The following UBE2K variants were observed in gnomAD, a reference collection of about 807,000 sequenced individuals.
UBE2K encodes the protein ubiquitin conjugating enzyme E2 K, also known as ubiquitin-conjugating enzyme E2 K.
In UBE2K, 6 loss-of-function variants were observed where a neutral mutation model predicts 30.0. The observed-to-expected ratio is 0.20, with a 90% confidence interval of 0.11 to 0.39. The LOEUF (loss-of-function observed/expected upper bound fraction) is 0.39. Ranked by LOEUF, UBE2K falls within the 10% of genes least tolerant of loss-of-function variation. The pLI is 1.00. For synonymous variants in UBE2K, 86 were observed against 83.7 expected, an observed-to-expected ratio of 1.03 and a Z score of -0.15; for missense variants, 61 against 241.6, an observed-to-expected ratio of 0.25 and a Z score of 4.96.
chr4:39,754,752 C>A (rs572208233), intron 3 of UBE2K, among the ~76,000 whole-genome samples: 2 of 152,074 alleles, frequency 1.3e-5, no homozygotes, highest in Non-Finnish European at 2.9e-5. Flanking sequence ...GTGATCCTCC[C>A]GCCTCAGCCT....
intron 1 of UBE2K, among the ~76,000 whole-genome samples, chr4:39,701,447 A>C (rs1413361190): frequency 6.6e-6 from 1 of 152,098 alleles, no homozygotes; most frequent in Admixed American, 6.6e-5. Context: ...TTTTTACGTT[A>C]TTGCTAATTC....
chr4:39,724,762 C>T (rs1719645051), intron 1 of UBE2K, among the ~76,000 whole-genome samples: 1 of 149,678 alleles, frequency 6.7e-6, no homozygotes, highest in African/African-American at 2.5e-5. Flanking sequence ...AGAGTGAGAC[C>T]CTGTTTCAAA....
At chr4:39,710,534 C>A (rs993757119) in intron 1 of UBE2K, among the ~76,000 whole-genome samples, 1 of 151,962 alleles carries the variant, frequency 6.6e-6, no homozygotes, top group South Asian at 2.1e-4. Flanking sequence ...CTCCCAAAGT[C>A]CTGGGATTAC....
At chr4:39,757,011 G>GTTTGTTTTTTTTTTT (rs1721558962) in intron 4 of UBE2K, among the ~76,000 whole-genome samples, 1 of 76,824 alleles carries the variant, frequency 1.3e-5, no homozygotes, top group African/African-American at 5.3e-5. Flanking sequence ...TTTTTTTTTT[G>GTTTGTTTTTTTTTTT]TTTTTTGTTT....
chr4:39,700,652 T>C (rs1298229230), intron 1 of UBE2K, among the ~76,000 whole-genome samples: 2 of 152,232 alleles, frequency 1.3e-5, no homozygotes, highest in Non-Finnish European at 2.9e-5. Context: ...GTCTTTTGAA[T>C]GGCTGATCAA....
In UBE2K at chr4:39,774,839, C is replaced by T; in HGVS notation, c.305C>T (p.Ala102Val). The T allele has an allele frequency of 6.7e-7, 1 of 1,501,218 alleles. No individual in the cohort carries two copies. 93.0% of individuals were successfully genotyped at this position (1,501,218 alleles called of 1,614,324 possible). A position where few individuals can be genotyped will look rare whatever the true frequency, so the allele number is the denominator to read the frequency against. ...TTTCATGTTTTGCATTTTAGGGCAG[C>T]TGCAATGACTCTCCGCACGGTATTA... ...CLDILKDQWA[A>V]AMTLRTVLLS... Residue 102 changes from alanine to valine, a missense_variant, in exon 5 of 7, where the codon GCT becomes GTT. Coordinates refer to ENST00000261427, the MANE Select transcript of UBE2K (RefSeq NM_005339.5).
chr4:39,771,917 T>G (rs1024622731), intron 4 of UBE2K, among the ~76,000 whole-genome samples: 2 of 152,070 alleles, frequency 1.3e-5, no homozygotes, highest in South Asian at 2.1e-4. Context: ...CTGGACTCAC[T>G]ATAACCTTCG....
chr4:39,733,988 A>T (rs549905337), intron 1 of UBE2K, among the ~76,000 whole-genome samples: 27 of 152,144 alleles, frequency 1.8e-4, no homozygotes, highest in Non-Finnish European at 3.7e-4. Flanking sequence ...CTGTGGTGGT[A>T]TAAAGAATAA....
chr4:39,760,083 A>C (rs1268376449), intron 4 of UBE2K, among the ~76,000 whole-genome samples: 2 of 145,396 alleles, frequency 1.4e-5, no homozygotes, highest in African/African-American at 5.1e-5. Context: ...GGGCTGAGAC[A>C]GGAGAATCTC....
At chr4:39,760,351 A>G (rs1711842179) in intron 4 of UBE2K, among the ~76,000 whole-genome samples, 1 of 152,124 alleles carries the variant, frequency 6.6e-6, no homozygotes, top group African/African-American at 2.4e-5. Context: ...AAAGACATGT[A>G]TAAAAGAATA....
At chr4:39,733,848 A>G (rs1311144883) in intron 1 of UBE2K, among the ~76,000 whole-genome samples, 1 of 152,196 alleles carries the variant, frequency 6.6e-6, no homozygotes, top group Non-Finnish European at 1.5e-5. Flanking sequence ...CTTTTGTAAT[A>G]CTGTCATCTT....
intron 1 of UBE2K, among the ~76,000 whole-genome samples, chr4:39,726,360 A>G (rs1719750874): frequency 6.6e-6 from 1 of 152,100 alleles, no homozygotes; most frequent in Non-Finnish European, 1.5e-5. Flanking sequence ...AAAATAGCAT[A>G]ATAGATATCA....
rs1186206177 is a variant in UBE2K at position 39,781,121 on chromosome 4, A to C, written c.*2687A>C. 2 of 152,114 alleles carry C rather than the reference A, an allele frequency of 1.3e-5. No homozygotes were observed. The highest frequency in any genetic ancestry group is 2.9e-5 in the Non-Finnish European group (2 of 67,994). 9.4% of individuals were successfully genotyped at this position (152,114 alleles called of 1,614,324 possible). A position where few individuals can be genotyped will look rare whatever the true frequency, so the allele number is the denominator to read the frequency against. On this transcript the variant is annotated 3_prime_UTR_variant, in exon 7 of 7. Coordinates refer to ENST00000261427, the MANE Select transcript of UBE2K (RefSeq NM_005339.5). ...ATGAATGAATGAATGAATGAATGGC[A>C]GTTAGTGGACCCAAATAAGTATTCA...
chr4:39,735,234 G>C (rs1442010442), intron 1 of UBE2K, among the ~76,000 whole-genome samples: 1 of 152,092 alleles, frequency 6.6e-6, no homozygotes, highest in Non-Finnish European at 1.5e-5. Context: ...TTTTGAGATG[G>C]AGTCTCGCTC....
chr4:39,757,646 T>G (rs1711582258), intron 4 of UBE2K, among the ~76,000 whole-genome samples: 1 of 152,212 alleles, frequency 6.6e-6, no homozygotes, highest in Admixed American at 6.5e-5. Context: ...GTTACTCTTT[T>G]GATTTGTGAC....
intron 1 of UBE2K, among the ~76,000 whole-genome samples, chr4:39,709,324 G>C (rs2109309488): frequency 6.6e-6 from 1 of 152,156 alleles, no homozygotes; most frequent in South Asian, 2.1e-4. Flanking sequence ...AAAAGCTCAA[G>C]ATGAGGGTTA....
chr4:39,773,068 TATAAAG>T (rs1208724708), intron 4 of UBE2K, among the ~76,000 whole-genome samples: 2 of 152,238 alleles, frequency 1.3e-5, no homozygotes, highest in African/African-American at 2.4e-5. Context: ...ATATTAGCTT[TATAAAG>T]ATATTTTCCT....
intron 1 of UBE2K, among the ~76,000 whole-genome samples, chr4:39,723,362 CTTT>C (rs529806724): frequency 1.1e-4 from 12 of 108,326 alleles, no homozygotes; most frequent in East Asian, 2.7e-4. Context: ...GCTGTCTTCT[CTTT>C]TTTTTTTTTT....
intron 2 of UBE2K, 96 bp downstream of exon 2, chr4:39,737,609 G>A (rs1720447411): frequency 1.3e-6 from 1 of 769,376 alleles, no homozygotes; most frequent in Non-Finnish European, 2.0e-6. Flanking sequence ...ATTATATGGA[G>A]GGTAACTTCA....
Sources: gnomAD v4.1 joint callset for allele counts (sites outside exome capture counted in the v4.1 genomes callset) on GRCh38, gnomAD v4.1.1 for gene constraint, MANE v1.5 for transcripts, NCBI Gene and HGNC (gene_info 2026-07-23, HGNC 2026-07-21) for gene names.